The following CCDC91 variants were observed in gnomAD, a reference collection of about 807,000 sequenced individuals.
The protein encoded by CCDC91 is coiled-coil domain containing 91.
CCDC91 carries 48 observed loss-of-function variants against 63.2 expected under a neutral mutation model. That is an observed-to-expected ratio of 0.76 (90% confidence interval 0.60 to 0.97). The LOEUF is 0.97. Among genes scored for constraint, CCDC91 ranks in the 50% least tolerant of loss-of-function variants. The pLI is 0.00. For missense variants in CCDC91, 500 were observed against 494.6 expected, an observed-to-expected ratio of 1.01 and a Z score of -0.10; for synonymous variants, 167 against 165.8, an observed-to-expected ratio of 1.01 and a Z score of -0.06.
At chr12:28,311,362 G>A (rs1024662179) in intron 6 of CCDC91, among the ~76,000 whole-genome samples, 10 of 152,168 alleles carry the variant, frequency 6.6e-5, no homozygotes, top group Admixed American at 1.3e-4. Flanking sequence ...ACACAGGAAA[G>A]GAGGGAGAGA....
chr12:28,364,653 T>C (rs1247280382), intron 7 of CCDC91, among the ~76,000 whole-genome samples: 1 of 152,052 alleles, frequency 6.6e-6, no homozygotes, highest in Non-Finnish European at 1.5e-5. Context: ...AGAAAAGCAA[T>C]AAAAATAACA....
chr12:28,360,663 T>C lies in CCDC91; in HGVS notation c.577-1775T>C, dbSNP rs76860828. ...ATTATTTTCTTTGGGATTTTAGTTTTTGTATTTATAAAAGAGATTTAACTC... is the reference window on the plus strand; with the variant it reads ...ATTATTTTCTTTGGGATTTTAGTTTCTGTATTTATAAAAGAGATTTAACTC... On this transcript the variant is annotated intron_variant, in intron 6 of 12. Coordinates refer to ENST00000536442, the MANE Select transcript of CCDC91 (RefSeq NM_018318.5). Among the ~76,000 whole-genome samples, 1,401 of 152,348 alleles carry C rather than the reference T, an allele frequency of 9.2e-3. 25 individuals are homozygous for C. Among genetic ancestry groups the C allele is most frequent in the African/African-American group, 0.032 (1,331 of 41,568 alleles).
intron 7 of CCDC91, among the ~76,000 whole-genome samples, chr12:28,390,186 A>G (rs1344957741): frequency 6.6e-6 from 1 of 152,128 alleles, no homozygotes; most frequent in African/African-American, 2.4e-5. Flanking sequence ...AAGTTTTAAA[A>G]ATATTTTTGT....
intron 12 of CCDC91, among the ~76,000 whole-genome samples, chr12:28,520,369 C>T (rs1321279958): frequency 2.0e-5 from 3 of 152,164 alleles, no homozygotes; most frequent in African/African-American, 7.2e-5. Flanking sequence ...TAAATGTCTT[C>T]TTTTGAGAAG....
At chr12:28,269,035 A>G (rs1947555905) in intron 3 of CCDC91, among the ~76,000 whole-genome samples, 1 of 152,128 alleles carries the variant, frequency 6.6e-6, no homozygotes, top group South Asian at 2.1e-4. Context: ...CTTACAGGAC[A>G]AGTACAACCA....
At chr12:28,335,284 T>C (rs905674040) in intron 6 of CCDC91, among the ~76,000 whole-genome samples, 3 of 124,562 alleles carry the variant, frequency 2.4e-5, no homozygotes, top group African/African-American at 8.4e-5. Context: ...ATAATACATA[T>C]TATATATAAT....
intron 8 of CCDC91, among the ~76,000 whole-genome samples, chr12:28,411,166 T>A (rs1362017099): frequency 1.3e-5 from 2 of 152,176 alleles, no homozygotes; most frequent in Admixed American, 6.5e-5. Flanking sequence ...ACACTGAGGA[T>A]GTCCATTCTT....
intron 12 of CCDC91, among the ~76,000 whole-genome samples, chr12:28,543,801 C>G (rs1942799555): frequency 6.6e-6 from 1 of 152,038 alleles, no homozygotes; most frequent in African/African-American, 2.4e-5. Context: ...CCAACTCACT[C>G]CAGCTCCAGT....
At chr12:28,318,727 G>A (rs1182216198) in intron 6 of CCDC91, among the ~76,000 whole-genome samples, 1 of 151,914 alleles carries the variant, frequency 6.6e-6, no homozygotes, top group Non-Finnish European at 1.5e-5. Context: ...TCTTATCCCT[G>A]TTCTAATAAT....
chr12:28,450,073 C>T, intron 8 of CCDC91, 88 bp from the exon 9 acceptor site: 2 of 720,426 alleles, frequency 2.8e-6, no homozygotes, highest in Non-Finnish European at 2.3e-6. Context: ...CTTCAATTTT[C>T]TGGACAAATG....
At chr12:28,334,144 A>C (rs1431093977) in intron 6 of CCDC91, among the ~76,000 whole-genome samples, 1 of 151,872 alleles carries the variant, frequency 6.6e-6, no homozygotes, top group Non-Finnish European at 1.5e-5. Context: ...ATTTGTTAGA[A>C]GTCTAACAGC....
At chr12:28,388,274 A>G (rs1358744863) in intron 7 of CCDC91, among the ~76,000 whole-genome samples, 1 of 152,128 alleles carries the variant, frequency 6.6e-6, no homozygotes. Context: ...CAATCAGACA[A>G]TAGAAAGAAA....
At chr12:28,368,763 C>A (rs1338181756) in intron 7 of CCDC91, among the ~76,000 whole-genome samples, 1 of 152,140 alleles carries the variant, frequency 6.6e-6, no homozygotes, top group Non-Finnish European at 1.5e-5. Context: ...GCCTGGCTTA[C>A]AATCATTGCA....
intron 3 of CCDC91, among the ~76,000 whole-genome samples, chr12:28,273,417 T>A (rs956610049): frequency 6.6e-6 from 1 of 152,216 alleles, no homozygotes; most frequent in Admixed American, 6.5e-5. Context: ...ATTGCCACAC[T>A]GACTTCCACA....
chr12:28,501,515 C>A (rs369142897), intron 12 of CCDC91, among the ~76,000 whole-genome samples: 5 of 151,832 alleles, frequency 3.3e-5, no homozygotes, highest in South Asian at 4.1e-4. Flanking sequence ...ACATTTATTG[C>A]TTTGCGTATA....
intron 3 of CCDC91, among the ~76,000 whole-genome samples, chr12:28,281,008 C>G (rs1054700314): frequency 6.6e-6 from 1 of 151,598 alleles, no homozygotes; most frequent in Non-Finnish European, 1.5e-5. Context: ...ATATCCTATG[C>G]AATATGGCTT....
chr12:28,325,752 AG>A (rs1388651402), intron 6 of CCDC91, among the ~76,000 whole-genome samples: 1 of 151,662 alleles, frequency 6.6e-6, no homozygotes, highest in Non-Finnish European at 1.5e-5. Context: ...AGAATGAATG[AG>A]GGGGAAGTAT....
At chr12:28,275,821 G>A (rs1373067003) in intron 3 of CCDC91, among the ~76,000 whole-genome samples, 2 of 152,068 alleles carry the variant, frequency 1.3e-5, no homozygotes, top group Non-Finnish European at 1.5e-5. Context: ...TTCAACATAT[G>A]CAAATCAATA....
intron 8 of CCDC91, among the ~76,000 whole-genome samples, chr12:28,415,032 C>T (rs10506033): frequency 0.2 from 30,715 of 151,940 alleles, 4,069 homozygotes; most frequent in Non-Finnish European, 0.3. Flanking sequence ...AACACTTATG[C>T]GGAGATACCT....
Sources: gnomAD v4.1 joint callset for allele counts (sites outside exome capture counted in the v4.1 genomes callset) on GRCh38, gnomAD v4.1.1 for gene constraint, MANE v1.5 for transcripts, NCBI Gene and HGNC (gene_info 2026-07-23, HGNC 2026-07-21) for gene names.